RC3H1: variants seen among roughly 807,000 people sequenced by gnomAD.
RC3H1 encodes the protein roquin-1.
A neutral mutation model predicts 138.2 loss-of-function variants in RC3H1; 50 were observed. The ratio of observed to expected loss-of-function variants is 0.36; its 90% CI spans 0.29 to 0.46. The LOEUF (loss-of-function observed/expected upper bound fraction) is 0.46, where lower values mean the gene tolerates loss of function less well. RC3H1 is among the 20% of genes least tolerant of loss of function. The pLI, the probability that RC3H1 is intolerant of heterozygous loss-of-function variation, is 1.00. For missense variants in RC3H1, 1,031 were observed against 1,388.1 expected, an observed-to-expected ratio of 0.74 and a Z score of 4.09; for synonymous variants, 462 against 489.1, an observed-to-expected ratio of 0.94 and a Z score of 0.73.
In RC3H1 at chr1:173,992,672, A is replaced by G; in HGVS notation, c.231+83T>C. 9.7e-6 allele frequency: 7 copies of G among 723,380 alleles called. No individual in the cohort carries two copies. In the South Asian group the frequency reaches 1.4e-4, roughly 14 times the overall value. 44.8% of individuals were successfully genotyped at this position (723,380 alleles called of 1,614,324 possible). On this transcript the variant is annotated intron_variant, in intron 2 of 19. Coordinates refer to ENST00000367696, the MANE Select transcript of RC3H1 (RefSeq NM_172071.4). ...CTCTCAGGAGAAAAACACGCACAAC[A>G]CACACACACACACACACACACACAC...
chr1:173,968,002 T>G (rs1020659269), intron 9 of RC3H1, among the ~76,000 whole-genome samples: 3 of 152,160 alleles, frequency 2.0e-5, no homozygotes, highest in African/African-American at 7.2e-5. Flanking sequence ...CCAGCTCTAT[T>G]TTTCAAATAG....
chr1:174,007,530 C>T (rs893709351), intron 1 of RC3H1, among the ~76,000 whole-genome samples: 7 of 152,066 alleles, frequency 4.6e-5, no homozygotes, highest in Non-Finnish European at 1.0e-4. Context: ...GTGGCATGAT[C>T]ATGGCTCACT....
At chr1:173,969,644 G>C (rs12073448) in intron 9 of RC3H1, among the ~76,000 whole-genome samples, 18,946 of 151,872 alleles carry the variant, frequency 0.12, 3,964 homozygotes, top group African/African-American at 0.43. Flanking sequence ...AAGGCAGGAG[G>C]CTCCCTTAAG....
At chr1:173,959,908 C>A (rs1209944897) in intron 13 of RC3H1, among the ~76,000 whole-genome samples, 2 of 151,902 alleles carry the variant, frequency 1.3e-5, no homozygotes, top group African/African-American at 4.8e-5. Flanking sequence ...CAGTTTGAGA[C>A]CAGCCTGGCC....
chr1:174,004,812 G>A (rs980082523), intron 1 of RC3H1, among the ~76,000 whole-genome samples: 9 of 151,954 alleles, frequency 5.9e-5, no homozygotes, highest in African/African-American at 2.2e-4. Context: ...GGGCTAATGG[G>A]AAGCTGCCAG....
chr1:173,984,372 G>T, intron 3 of RC3H1, 127 bp downstream of exon 3: 1 of 771,814 alleles, frequency 1.3e-6, no homozygotes, highest in Non-Finnish European at 2.0e-6. Flanking sequence ...TACTTAGTAT[G>T]GATAATTGCA....
intron 1 of RC3H1, among the ~76,000 whole-genome samples, chr1:173,999,145 T>A (rs1661513374): frequency 6.6e-6 from 1 of 151,120 alleles, no homozygotes; most frequent in Non-Finnish European, 1.5e-5. Context: ...TCCCAGGACT[T>A]TGGGAGGCTG....
chr1:173,974,031 T>C (rs1660470688), intron 7 of RC3H1, among the ~76,000 whole-genome samples: 2 of 151,910 alleles, frequency 1.3e-5, no homozygotes, highest in Admixed American at 6.6e-5. Context: ...GTGGGGCCAA[T>C]GTGTAAAATT....
At chr1:173,961,005 T>A in intron 13 of RC3H1, 72 bp downstream of exon 13, 1 of 1,432,080 alleles carries the variant, frequency 7.0e-7, no homozygotes. Flanking sequence ...CCATTGGGAA[T>A]AGGCAAAGAT....
Position 173,962,746 on chromosome 1 carries a change from C to T in RC3H1, c.1832-651G>A, listed in dbSNP as rs72711431. ...ATATGGCAGGCACCTAACTCCTGCA[C>T]TAAATCTCTTTCTGCTTAATATAGC... On this transcript the variant is annotated intron_variant, in intron 11 of 19. Transcript: ENST00000367696. Among the ~76,000 whole-genome samples the T allele has an allele frequency of 5.3e-3, 804 of 152,216 alleles. 4 individuals carry two copies. Among genetic ancestry groups the T allele is most frequent in the Non-Finnish European group, 8.0e-3 (544 of 68,010 alleles).
chr1:173,958,191 C>T (rs912105870), intron 13 of RC3H1, among the ~76,000 whole-genome samples: 2 of 151,648 alleles, frequency 1.3e-5, no homozygotes, highest in African/African-American at 4.9e-5. Context: ...AAAAAAAATA[C>T]AAACTATAAG....
At chr1:173,968,422 T>C (rs1180821027) in intron 9 of RC3H1, among the ~76,000 whole-genome samples, 3 of 152,212 alleles carry the variant, frequency 2.0e-5, no homozygotes, top group Non-Finnish European at 4.4e-5. Flanking sequence ...TTCTCTTATG[T>C]TCCTAGGTAA....
At position 173,964,891 on chromosome 1, in the gene RC3H1, G is replaced by A; in HGVS notation, c.1564C>T (p.Pro522Ser). 6.2e-7 allele frequency: 1 copy of A among 1,614,102 alleles called. No homozygotes were observed. Among genetic ancestry groups the A allele is most frequent in the Non-Finnish European group, 8.5e-7 (1 of 1,180,010 alleles). Residue 522 changes from proline (P) to serine (S), a missense_variant, in exon 10 of 20, where the codon CCA (proline) becomes TCA (serine). Pro to Ser is a moderately conservative substitution (Grantham distance 74, BLOSUM62 -1). This residue lies in a region of RC3H1 where 716 missense variants were observed against 837.9 expected (regional missense o/e 0.85). Coordinates refer to ENST00000367696, the MANE Select transcript of RC3H1 (RefSeq NM_172071.4). ...TDPSYDSSLKPGKIDHLSSSA... is the reference protein window; with the variant it reads ...TDPSYDSSLKSGKIDHLSSSA... ...CTGCTCAGATGATCTATTTTTCCTG[G>A]TTTCAGACTAGAATCATAGCTGGGG...
intron 14 of RC3H1, 76 bp from the exon 15 acceptor site, chr1:173,947,658 A>C: frequency 9.5e-7 from 1 of 1,055,354 alleles, no homozygotes; most frequent in East Asian, 2.4e-5. Context: ...GATCTGTAAT[A>C]AGGTTAAAGA....
At chr1:173,946,395 T>C in intron 17 of RC3H1, 81 bp downstream of exon 17, 1 of 1,370,780 alleles carries the variant, frequency 7.3e-7, no homozygotes, top group Non-Finnish European at 1.0e-6. Context: ...AGTTTTTTGT[T>C]CACAGTGCCT....
At chr1:173,994,472 T>C (rs1042363355) in intron 1 of RC3H1, among the ~76,000 whole-genome samples, 1 of 152,150 alleles carries the variant, frequency 6.6e-6, no homozygotes, top group African/African-American at 2.4e-5. Flanking sequence ...ATATGTTTCC[T>C]CTGTATTTAT....
At chr1:173,939,991 A>T (rs1658775261) in intron 19 of RC3H1, among the ~76,000 whole-genome samples, 1 of 152,238 alleles carries the variant, frequency 6.6e-6, no homozygotes, top group Non-Finnish European at 1.5e-5. Context: ...AAAATAATTT[A>T]AGATATGCAA....
chr1:174,017,783 CAAAAAA>C lies in RC3H1; in HGVS notation c.-151+4307_-151+4312del, dbSNP rs61239660. On this transcript the variant is annotated intron_variant, in intron 1 of 19. Transcript: ENST00000367696. The stretch of plus-strand genomic sequence containing the variant: ...ACCCCTTTAGAACTCTTTTCTTGCT[CAAAAAA>C]AAAAAAAAAAAAAAAAAAAAACTGC... 6.7e-3 allele frequency among the ~76,000 whole-genome samples: 485 copies of C among 72,014 alleles called. 5 individuals are homozygous for C. The highest frequency in any genetic ancestry group is 0.022 in the Middle Eastern group (3 of 134). The allele number at this position is 72,014 out of a possible 152,430, so 47.2% of individuals were successfully genotyped here. A position where few individuals can be genotyped will look rare whatever the true frequency, so the allele number is the denominator to read the frequency against.
intron 6 of RC3H1, among the ~76,000 whole-genome samples, chr1:173,980,441 T>C (rs2103003399): frequency 6.6e-6 from 1 of 152,132 alleles, no homozygotes; most frequent in Non-Finnish European, 1.5e-5. Context: ...GAGGATTAAA[T>C]GAATTATTTA....
Sources: allele counts gnomAD v4.1 joint callset (sites outside exome capture counted in the v4.1 genomes callset), GRCh38; gene constraint gnomAD v4.1.1; regional missense constraint gnomAD v4.1.1; transcripts MANE v1.5; gene names NCBI Gene and HGNC (gene_info 2026-07-23, HGNC 2026-07-21).